Variants in CARMIL1 observed in about 807,000 individuals in gnomAD.
The protein encoded by CARMIL1 is F-actin-uncapping protein LRRC16A.
A neutral mutation model predicts 177.1 loss-of-function variants in CARMIL1; 90 were observed. That is an observed-to-expected ratio of 0.51 (90% CI 0.43 to 0.61). The LOEUF (loss-of-function observed/expected upper bound fraction) is 0.61, where lower values mean the gene tolerates loss of function less well. CARMIL1 is among the 20% of genes least tolerant of loss of function. The pLI is 0.00. For synonymous variants in CARMIL1, 577 were observed against 606.2 expected (o/e 0.95, Z 0.71); for missense variants, 1,380 against 1,667.0 (o/e 0.83, Z 3.00).
At chr6:25,495,412 G>A (rs1054689684) in intron 16 of CARMIL1, among the ~76,000 whole-genome samples, 197 bp downstream of exon 16, 7 of 152,100 alleles carry the variant, frequency 4.6e-5, no homozygotes, top group Non-Finnish European at 1.0e-4. Context: ...CATCTTCTAA[G>A]AAAAAACATC....
At chr6:25,298,909 C>G (rs2150166489) in intron 2 of CARMIL1, among the ~76,000 whole-genome samples, 1 of 152,164 alleles carries the variant, frequency 6.6e-6, no homozygotes, top group South Asian at 2.1e-4. Context: ...TGTGTGCCAC[C>G]ATGCCCAGCT....
intron 8 of CARMIL1, among the ~76,000 whole-genome samples, chr6:25,463,819 CTTTTT>C (rs68160209): frequency 1.8e-5 from 2 of 108,494 alleles, no homozygotes; most frequent in Non-Finnish European, 3.6e-5. Flanking sequence ...AGTTGTTCTC[CTTTTT>C]TTTTTTTTTT....
intron 2 of CARMIL1, among the ~76,000 whole-genome samples, chr6:25,317,737 T>C (rs1784388601): frequency 6.6e-6 from 1 of 151,576 alleles, no homozygotes. Flanking sequence ...AAAAAAAAAA[T>C]TCTTTTTTGT....
At chr6:25,457,474 T>C (rs1799641656) in intron 8 of CARMIL1, among the ~76,000 whole-genome samples, 2 of 152,202 alleles carry the variant, frequency 1.3e-5, no homozygotes, top group South Asian at 4.1e-4. Flanking sequence ...TTTAATAATA[T>C]ACAAGACATG....
At chr6:25,358,374 A>G (rs1360654410) in intron 2 of CARMIL1, among the ~76,000 whole-genome samples, 7 of 152,238 alleles carry the variant, frequency 4.6e-5, no homozygotes, top group Non-Finnish European at 2.9e-5. Context: ...AATGTGACGC[A>G]TAAAAAGTAT....
chr6:25,429,016 C>T (rs1796503852), intron 4 of CARMIL1, among the ~76,000 whole-genome samples: 1 of 152,032 alleles, frequency 6.6e-6, no homozygotes, highest in African/African-American at 2.4e-5. Context: ...CCTTTTATTT[C>T]TTTGTCTAGT....
At chr6:25,504,829 C>T (rs963475572) in intron 17 of CARMIL1, among the ~76,000 whole-genome samples, 1 of 152,172 alleles carries the variant, frequency 6.6e-6, no homozygotes, top group Non-Finnish European at 1.5e-5. Context: ...AAAAGGCCCC[C>T]TTTGAAACCT....
At chr6:25,323,399 C>A (rs1784826280) in intron 2 of CARMIL1, among the ~76,000 whole-genome samples, 1 of 120,418 alleles carries the variant, frequency 8.3e-6, no homozygotes, top group African/African-American at 3.3e-5. Context: ...GCCTAGGCAA[C>A]AGAGCGAGAC....
At chr6:25,397,364 A>G (rs941414093) in intron 2 of CARMIL1, among the ~76,000 whole-genome samples, 2 of 152,144 alleles carry the variant, frequency 1.3e-5, no homozygotes, top group Non-Finnish European at 2.9e-5. Flanking sequence ...TCAAGAGGGC[A>G]TCTTCAAGCA....
intron 1 of CARMIL1, among the ~76,000 whole-genome samples, chr6:25,281,136 G>GCGCGCACACACACACACACACA (rs10642536): frequency 7.6e-6 from 1 of 132,102 alleles, no homozygotes; most frequent in East Asian, 2.4e-4. Flanking sequence ...GTGCGCGCGC[G>GCGCGCACACACACACACACACA]CACACACACA....
intron 17 of CARMIL1, among the ~76,000 whole-genome samples, chr6:25,508,584 C>T (rs553164108): frequency 3.9e-5 from 6 of 152,310 alleles, no homozygotes; most frequent in Admixed American, 6.5e-5. Context: ...CTCCTGATAT[C>T]GCATCCAAAA....
At chr6:25,427,134 C>T (rs979477219) in intron 4 of CARMIL1, among the ~76,000 whole-genome samples, 2 of 151,992 alleles carry the variant, frequency 1.3e-5, no homozygotes, top group African/African-American at 4.8e-5. Flanking sequence ...ATACTTCTTC[C>T]TGTCTGCCTT....
At chr6:25,568,335 TAAGAG>T (rs140438769) in intron 29 of CARMIL1, among the ~76,000 whole-genome samples, 1 of 152,298 alleles carries the variant, frequency 6.6e-6, no homozygotes, top group East Asian at 1.9e-4. Flanking sequence ...TGAACAGAGT[TAAGAG>T]GAAAGAAAAC....
chr6:25,499,929 C>T (rs1804138251), intron 16 of CARMIL1, among the ~76,000 whole-genome samples: 2 of 152,302 alleles, frequency 1.3e-5, no homozygotes, highest in East Asian at 1.9e-4. Context: ...GCAGGTTTTA[C>T]ATTTATGATG....
At chr6:25,465,840 C>T in intron 8 of CARMIL1, 33 bp from the exon 9 acceptor site, 1 of 1,293,186 alleles carries the variant, frequency 7.7e-7, no homozygotes, top group Middle Eastern at 1.8e-4. Flanking sequence ...ACTGTAGGAG[C>T]ACTTTCATGT....
chr6:25,344,184 T>A (rs1787254199), intron 2 of CARMIL1, among the ~76,000 whole-genome samples: 1 of 152,060 alleles, frequency 6.6e-6, no homozygotes. Flanking sequence ...AACATCCCAC[T>A]CTTATCACCA....
intron 8 of CARMIL1, among the ~76,000 whole-genome samples, chr6:25,459,207 A>ACTTTTTCTTTCTTT (rs1388983257): frequency 1.7e-4 from 14 of 83,276 alleles, no homozygotes; most frequent in Admixed American, 3.5e-4. Context: ...AAGGATCCCA[A>ACTTTTTCTTTCTTT]CTTTTTCTTT....
At chr6:25,490,903 A>G (rs1161870223) in intron 13 of CARMIL1, among the ~76,000 whole-genome samples, 1 of 152,160 alleles carries the variant, frequency 6.6e-6, no homozygotes, top group Non-Finnish European at 1.5e-5. Flanking sequence ...GCAAGGACGT[A>G]CTCAGTATAA....
intron 26 of CARMIL1, among the ~76,000 whole-genome samples, chr6:25,542,448 C>A (rs1809015074): frequency 6.6e-6 from 1 of 152,168 alleles, no homozygotes; most frequent in South Asian, 2.1e-4. Flanking sequence ...TTAAACATCA[C>A]CAGTGTTCTC....
Sources: allele counts gnomAD v4.1 joint callset (sites outside exome capture counted in the v4.1 genomes callset), GRCh38; gene constraint gnomAD v4.1.1; transcripts MANE v1.5; gene names NCBI Gene and HGNC (gene_info 2026-07-23, HGNC 2026-07-21).